Variants in PDE1A observed in about 807,000 individuals in gnomAD.
The protein encoded by PDE1A is phosphodiesterase 1A, also known as dual specificity calcium/calmodulin-dependent 3',5'-cyclic nucleotide phosphodiesterase 1A.
In PDE1A, 35 loss-of-function variants were observed where a neutral mutation model predicts 61.7. That is an observed-to-expected ratio of 0.57 (90% CI 0.43 to 0.75). The LOEUF (loss-of-function observed/expected upper bound fraction) is 0.75, where lower values mean the gene tolerates loss of function less well. Ranked by LOEUF, PDE1A falls within the 30% of genes least tolerant of loss-of-function variation. The pLI, the probability that PDE1A is intolerant of heterozygous loss-of-function variation, is 0.00. For missense variants in PDE1A, 597 were observed against 630.6 expected, an observed-to-expected ratio of 0.95 and a Z score of 0.57; for synonymous variants, 232 against 213.2, an observed-to-expected ratio of 1.09 and a Z score of -0.77.
intron 2 of PDE1A, among the ~76,000 whole-genome samples, chr2:182,465,523 A>G (rs1029654576): frequency 2.6e-5 from 4 of 152,138 alleles, no homozygotes; most frequent in Admixed American, 2.0e-4. Flanking sequence ...AGTAGAAAAT[A>G]AGATACTCTT....
At position 182,296,166 on chromosome 2, in the gene PDE1A, A is replaced by C. The variant is rs537380591; in HGVS notation, c.54-31752T>G. On this transcript the variant is annotated intron_variant, in intron 1 of 13. Coordinates refer to ENST00000351439, the Ensembl canonical transcript of PDE1A. ...AGAGTCCATGGAATAAGGCCAAAAA[A>C]CACTAACTTAAAGTATACTGCCTTG... Among the ~76,000 whole-genome samples, 4 of 152,292 alleles carry C rather than the reference A, an allele frequency of 2.6e-5. No individual in the cohort carries two copies. In the South Asian group the frequency reaches 8.3e-4, roughly 32 times the overall value.
At chr2:182,303,723 G>C (rs1257227298) in intron 1 of PDE1A, among the ~76,000 whole-genome samples, 1 of 152,196 alleles carries the variant, frequency 6.6e-6, no homozygotes, top group African/African-American at 2.4e-5. Context: ...GAAAGTACTA[G>C]ATGGCATCTT....
At chr2:182,579,946 A>G in the PDE1A span, among the ~76,000 whole-genome samples, 1 of 152,196 alleles carries the variant, frequency 6.6e-6, no homozygotes, top group Non-Finnish European at 1.5e-5. Flanking sequence ...ATATTTCACT[A>G]TAGCTGATCA....
intron 2 of PDE1A, among the ~76,000 whole-genome samples, chr2:182,505,423 T>C (rs1337730647): frequency 1.3e-5 from 2 of 152,180 alleles, no homozygotes; most frequent in Non-Finnish European, 2.9e-5. Context: ...GTTTCCCACA[T>C]AGATATACCA....
At chr2:182,205,907 T>G in intron 8 of PDE1A, 33 bp downstream of exon 8, 1 of 1,570,496 alleles carries the variant, frequency 6.4e-7, no homozygotes, top group South Asian at 1.2e-5. Flanking sequence ...TTTCCTGAAA[T>G]TAAATTTCCT....
intron 6 of PDE1A, among the ~76,000 whole-genome samples, chr2:182,227,305 G>A (rs892973749): frequency 6.6e-6 from 1 of 152,010 alleles, no homozygotes; most frequent in Non-Finnish European, 1.5e-5. Context: ...GTGTGAGTGT[G>A]TGCCTGTGGG....
At chr2:182,414,658 T>C (rs1384807090) in intron 1 of PDE1A, among the ~76,000 whole-genome samples, 1 of 152,058 alleles carries the variant, frequency 6.6e-6, no homozygotes, top group Non-Finnish European at 1.5e-5. Context: ...CAAATTGTTA[T>C]CTAGACATCT....
At chr2:182,402,726 C>G (rs1402774988) in intron 1 of PDE1A, among the ~76,000 whole-genome samples, 1 of 152,198 alleles carries the variant, frequency 6.6e-6, no homozygotes, top group Non-Finnish European at 1.5e-5. Flanking sequence ...AAACTATCAT[C>G]AGAGTGAACA....
rs1169764046 is a variant in PDE1A at position 182,240,225 on chromosome 2, C to A, written c.235G>T (p.Asp79Tyr). The A allele has an allele frequency of 1.2e-5, 20 of 1,613,610 alleles. No individual in the cohort carries two copies. The highest frequency in any genetic ancestry group is 1.5e-5 in the Non-Finnish European group (18 of 1,179,790). ...CGTGTAAAGGTAGAAGCCAACCAGTCCCGGACTTCAGATGGGACTGAGTCA... is the reference window on the plus strand; with the variant it reads ...CGTGTAAAGGTAGAAGCCAACCAGTACCGGACTTCAGATGGGACTGAGTCA... Residue 79 changes from aspartate to tyrosine, a missense_variant, in exon 3 of 14, where the codon GAC becomes TAC. Coordinates refer to ENST00000351439, the Ensembl canonical transcript of PDE1A.
intron 2 of PDE1A, among the ~76,000 whole-genome samples, chr2:182,518,988 A>C (rs982311807): frequency 2.0e-5 from 3 of 152,120 alleles, no homozygotes; most frequent in Non-Finnish European, 4.4e-5. Context: ...TTAGAGAAAA[A>C]AAAAGCAACA....
chr2:182,309,542 C>G (rs1268101898), intron 1 of PDE1A, among the ~76,000 whole-genome samples: 8 of 152,070 alleles, frequency 5.3e-5, no homozygotes, highest in Non-Finnish European at 1.2e-4. Flanking sequence ...GTCACAGTTA[C>G]CTTCTAAGAG....
At chr2:182,207,060 GT>G (rs1253340609) in intron 7 of PDE1A, among the ~76,000 whole-genome samples, 1 of 152,184 alleles carries the variant, frequency 6.6e-6, no homozygotes, top group Non-Finnish European at 1.5e-5. Context: ...GGTACTGAGC[GT>G]GGGGTATTGC....
chr2:182,675,996 C>T, the PDE1A span, among the ~76,000 whole-genome samples: 1 of 152,090 alleles, frequency 6.6e-6, no homozygotes, highest in East Asian at 1.9e-4. Flanking sequence ...GTTGCAATTG[C>T]TTTTGGCATC....
intron 1 of PDE1A, among the ~76,000 whole-genome samples, chr2:182,335,589 C>T (rs1349381980): frequency 6.6e-6 from 1 of 152,138 alleles, no homozygotes; most frequent in Non-Finnish European, 1.5e-5. Context: ...AACTGGATCC[C>T]TTCCTTACAC....
intron 1 of PDE1A, among the ~76,000 whole-genome samples, chr2:182,415,100 T>A (rs1702835995): frequency 6.6e-6 from 1 of 152,182 alleles, no homozygotes; most frequent in African/African-American, 2.4e-5. Flanking sequence ...TTAAAAAAAA[T>A]TCTGTCTTTA....
At chr2:182,323,885 T>C (rs1696872690) in intron 1 of PDE1A, among the ~76,000 whole-genome samples, 1 of 152,082 alleles carries the variant, frequency 6.6e-6, no homozygotes, top group African/African-American at 2.4e-5. Context: ...TGCCACACCA[T>C]CCAAGGCACA....
intron 1 of PDE1A, among the ~76,000 whole-genome samples, chr2:182,364,466 TAAAAAAAAAA>T (rs201821721): frequency 0.053 from 1,912 of 35,854 alleles, 158 homozygotes; most frequent in East Asian, 0.38. Context: ...AACACTTTGG[TAAAAAAAAAA>T]AAAAAAAAAA....
upstream of PDE1A, among the ~76,000 whole-genome samples, chr2:182,429,388 T>C (rs926781023): frequency 3.3e-5 from 5 of 152,092 alleles, no homozygotes; most frequent in African/African-American, 1.2e-4. Context: ...TGCAAAATAC[T>C]AAAATATATG....
At chr2:182,353,736 A>C (rs1181121174) in intron 1 of PDE1A, among the ~76,000 whole-genome samples, 1 of 152,146 alleles carries the variant, frequency 6.6e-6, no homozygotes. Flanking sequence ...TAAACAGAAT[A>C]AAATACTCAC....
Sources: allele counts gnomAD v4.1 joint callset (sites outside exome capture counted in the v4.1 genomes callset), GRCh38; gene constraint gnomAD v4.1.1; transcripts MANE v1.5; gene names NCBI Gene and HGNC (gene_info 2026-07-23, HGNC 2026-07-21).